The following RPE variants were observed in gnomAD, a reference collection of about 807,000 sequenced individuals.
RPE encodes the protein ribulose-phosphate 3-epimerase.
A neutral mutation model predicts 24.6 loss-of-function variants in RPE; 16 were observed. The ratio of observed to expected loss-of-function variants is 0.65; its 90% CI spans 0.44 to 0.99. The LOEUF is 0.99. RPE is among the 50% of genes least tolerant of loss of function. The pLI, the probability that RPE is intolerant of heterozygous loss-of-function variation, is 0.00. For synonymous variants in RPE, 93 were observed against 98.4 expected (o/e 0.94, Z 0.33); for missense variants, 240 against 294.5 (o/e 0.81, Z 1.35).
chr2:210,016,780 A>G, intron 4 of RPE, 139 bp downstream of exon 4: 3 of 1,129,980 alleles, frequency 2.7e-6, no homozygotes, highest in Non-Finnish European at 3.7e-6. Flanking sequence ...ATTCTAATAC[A>G]GTATAATAAA....
rs1008864668 is a variant in RPE at position 210,021,263 on chromosome 2, G to T, written c.*1472G>T. Reference sequence around the variant, plus strand: ...GGCTACTATAAGTTTTGAGAAATAAGGTTCAAAAAATAAGAATGCTAACAC... The same window carrying T: ...GGCTACTATAAGTTTTGAGAAATAATGTTCAAAAAATAAGAATGCTAACAC... On this transcript the variant is annotated 3_prime_UTR_variant, in exon 6 of 6. Coordinates refer to ENST00000359429, the MANE Select transcript of RPE (RefSeq NM_199229.3). The T allele has an allele frequency of 6.6e-6, 1 of 151,992 alleles. No homozygotes were observed. The highest frequency in any genetic ancestry group is 2.4e-5 in the African/African-American group (1 of 41,424). 9.4% of individuals were successfully genotyped at this position (151,992 alleles called of 1,614,324 possible). A position where few individuals can be genotyped will look rare whatever the true frequency, so the allele number is the denominator to read the frequency against.
chr2:210,005,774 T>C (rs576866419), intron 1 of RPE, among the ~76,000 whole-genome samples: 18 of 152,308 alleles, frequency 1.2e-4, no homozygotes, highest in African/African-American at 4.3e-4. Flanking sequence ...CTGCTCTGTT[T>C]TGCTCTTTGA....
chr2:210,015,173 A>G (rs1272037184), intron 2 of RPE, among the ~76,000 whole-genome samples: 1 of 152,136 alleles, frequency 6.6e-6, no homozygotes, highest in African/African-American at 2.4e-5. Flanking sequence ...TCATCTATCT[A>G]TCCATGGAGG....
chr2:210,005,137 C>T (rs554733840), intron 1 of RPE, among the ~76,000 whole-genome samples: 45 of 152,304 alleles, frequency 3.0e-4, no homozygotes, highest in African/African-American at 9.9e-4. Context: ...AGTGCCCCTA[C>T]GTGATGTGCT....
intron 5 of RPE, 117 bp from the exon 6 acceptor site, chr2:210,019,552 C>A: frequency 8.1e-7 from 1 of 1,241,472 alleles, no homozygotes; most frequent in Non-Finnish European, 1.1e-6. Context: ...CTCAAAGTGG[C>A]TCTCATATGA....
intron 1 of RPE, among the ~76,000 whole-genome samples, chr2:210,003,994 C>T (rs190527217): frequency 1.7e-3 from 257 of 152,320 alleles, no homozygotes; most frequent in Admixed American, 4.3e-3. Flanking sequence ...AATATTACCT[C>T]TCACAAAGGT....
At chr2:210,018,050 G>T (rs1165772334) in intron 5 of RPE, 4 of 1,232,102 alleles carry the variant, frequency 3.2e-6, no homozygotes, top group Non-Finnish European at 4.5e-6. Flanking sequence ...TGGCCCGTAA[G>T]TGGATATTCT....
At chr2:210,011,952 G>A (rs566788581) in intron 2 of RPE, among the ~76,000 whole-genome samples, 3 of 151,170 alleles carry the variant, frequency 2.0e-5, no homozygotes, top group Non-Finnish European at 4.4e-5. Context: ...AAAGTGTTGT[G>A]ATAGTAGGTG....
At chr2:210,017,580 T>C (rs370180062) in intron 5 of RPE, 21 bp downstream of exon 5, 7 of 1,606,900 alleles carry the variant, frequency 4.4e-6, no homozygotes, top group African/African-American at 1.3e-5. Flanking sequence ...TCTTCAACTA[T>C]GACTAGACCA....
At chr2:210,012,584 G>A (rs1361692735) in intron 2 of RPE, among the ~76,000 whole-genome samples, 1 of 152,212 alleles carries the variant, frequency 6.6e-6, no homozygotes, top group Non-Finnish European at 1.5e-5. Flanking sequence ...CACCATAGAG[G>A]TGTGATCTGA....
At chr2:210,016,140 T>C (rs1389365812) in intron 3 of RPE, 28 bp downstream of exon 3, 1 of 1,614,194 alleles carries the variant, frequency 6.2e-7, no homozygotes, top group Middle Eastern at 1.6e-4. Context: ...GAGTGTTTTG[T>C]AACATTCACT....
Position 210,019,813 on chromosome 2 carries a change from C to A in RPE, c.*22C>A. ...GTGAAACCATAAGGAGCCCAGTGTTCCTGTTCATGAAATCTCCCTTTTACT... is the reference window on the plus strand; with the variant it reads ...GTGAAACCATAAGGAGCCCAGTGTTACTGTTCATGAAATCTCCCTTTTACT... On this transcript the variant is annotated 3_prime_UTR_variant, in exon 6 of 6. Transcript: ENST00000359429. 3 of 1,604,156 alleles carry A rather than the reference C, an allele frequency of 1.9e-6. No individual in the cohort carries two copies. Among genetic ancestry groups the A allele is most frequent in the Non-Finnish European group, 2.6e-6 (3 of 1,175,074 alleles).
chr2:210,009,879 C>G, intron 2 of RPE, 143 bp downstream of exon 2: 2 of 1,068,726 alleles, frequency 1.9e-6, no homozygotes, highest in South Asian at 1.4e-5. Flanking sequence ...ACTCCAGTAA[C>G]AAGCCAAACT....
In RPE at chr2:210,006,906, A is replaced by G. The variant is rs900699492; in HGVS notation, c.123-2751A>G. 4.6e-5 allele frequency among the ~76,000 whole-genome samples: 7 copies of G among 151,792 alleles called. No homozygotes were observed. In the East Asian group the frequency reaches 1.3e-3, roughly 29 times the overall value. On this transcript the variant is annotated intron_variant, in intron 1 of 5. Coordinates refer to ENST00000359429, the MANE Select transcript of RPE (RefSeq NM_199229.3). ...TGAGTGAAAGTGTCTGTTCCCATCC[A>G]CCTTATGTGTCCCTCTCAGATGTGT... is the stretch of plus-strand genomic sequence containing the variant.
At chr2:210,004,251 G>A (rs573312183) in intron 1 of RPE, among the ~76,000 whole-genome samples, 1 of 152,252 alleles carries the variant, frequency 6.6e-6, no homozygotes, top group South Asian at 2.1e-4. Context: ...TAATGGTTGG[G>A]GAAAGTAATT....
chr2:210,008,298 T>G lies in RPE; in HGVS notation c.123-1359T>G, dbSNP rs1295805096. 7.8e-4 allele frequency among the ~76,000 whole-genome samples: 117 copies of G among 149,528 alleles called. 1 individual carries two copies. The highest frequency in any genetic ancestry group is 8.5e-4 in the South Asian group (4 of 4,702). On this transcript the variant is annotated intron_variant, in intron 1 of 5. Transcript: ENST00000359429. ...ATTTTTTTTGTTTGTTTTTGTTTTT[T>G]TTTTTTTTTTTTTTTGAGATGGAGT...
In RPE at chr2:210,013,963, A is replaced by G. The variant is rs552926453; in HGVS notation, c.203-2010A>G. Among the ~76,000 whole-genome samples, 13 of 152,336 alleles carry G rather than the reference A, an allele frequency of 8.5e-5. No individual in the cohort carries two copies. The South Asian group carries it at 2.7e-3, about 32-fold the overall frequency. ...TAACTATGCACAGATTTGCTGAACC[A>G]TTGACTCCCTGAACACCATAGAACT... On this transcript the variant is annotated intron_variant, in intron 2 of 5. Transcript: ENST00000359429.
chr2:210,018,295 A>T, intron 5 of RPE: 1 of 1,471,908 alleles, frequency 6.8e-7, no homozygotes, highest in Non-Finnish European at 8.9e-7. Flanking sequence ...CCTACATATT[A>T]TTTAGTTGTT....
chr2:210,008,285 T>G (rs2093655961), intron 1 of RPE, among the ~76,000 whole-genome samples: 1 of 136,676 alleles, frequency 7.3e-6, no homozygotes, highest in Admixed American at 7.1e-5. Flanking sequence ...TTTTTTTGTT[T>G]GTTTTTGTTT....
Sources: allele counts gnomAD v4.1 joint callset (sites outside exome capture counted in the v4.1 genomes callset), GRCh38; gene constraint gnomAD v4.1.1; transcripts MANE v1.5; gene names NCBI Gene and HGNC (gene_info 2026-07-23, HGNC 2026-07-21).